Variants in CEP295 observed in about 807,000 individuals in gnomAD.
The protein encoded by CEP295 is centrosomal protein of 295 kDa.
CEP295 carries 190 observed loss-of-function variants against 291.6 expected under a neutral mutation model. The ratio of observed to expected loss-of-function variants is 0.65; its 90% CI spans 0.58 to 0.73. The LOEUF is 0.73. Ranked by LOEUF, CEP295 falls within the 30% of genes least tolerant of loss-of-function variation. The pLI, the probability that CEP295 is intolerant of heterozygous loss-of-function variation, is 0.00. For synonymous variants in CEP295, 993 were observed against 1,038.8 expected (o/e 0.96, Z 0.85); for missense variants, 2,863 against 2,949.4 (o/e 0.97, Z 0.68).
intron 5 of CEP295, among the ~76,000 whole-genome samples, chr11:93,674,045 C>T (rs1950572133): frequency 6.6e-6 from 1 of 151,832 alleles, no homozygotes; most frequent in Admixed American, 6.6e-5. Context: ...TCATTGCAAC[C>T]TCCGACCCCT....
chr11:93,685,569 G>A (rs1321501590), intron 9 of CEP295, among the ~76,000 whole-genome samples: 1 of 152,336 alleles, frequency 6.6e-6, no homozygotes. Flanking sequence ...TAAGGTTACT[G>A]TGTTTTGACT....
intron 18 of CEP295, among the ~76,000 whole-genome samples, chr11:93,716,650 AG>A (rs1198389719): frequency 3.9e-5 from 6 of 152,198 alleles, no homozygotes; most frequent in Non-Finnish European, 8.8e-5. Flanking sequence ...ACTTCACAAA[AG>A]GGGGTGGGCT....
At chr11:93,683,875 G>A (rs1407346598) in intron 8 of CEP295, 89 bp from the exon 9 acceptor site, 2 of 1,447,706 alleles carry the variant, frequency 1.4e-6, no homozygotes, top group African/African-American at 2.9e-5. Context: ...ATTTTAGATT[G>A]AGACATTACC....
At chr11:93,719,715 A>C (rs1953554700) in intron 18 of CEP295, 1 of 151,136 alleles carries the variant, frequency 6.6e-6, no homozygotes, top group Non-Finnish European at 1.5e-5. Flanking sequence ...ACTAGTCTTA[A>C]AAAAAAATAA....
chr11:93,728,649 G>T, intron 24 of CEP295, 32 bp from the exon 25 acceptor site: 1 of 1,502,206 alleles, frequency 6.7e-7, no homozygotes, highest in South Asian at 1.3e-5. Flanking sequence ...AGGCTATTTT[G>T]ACATGGTTTT....
Position 93,706,131 on chromosome 11 carries a change from A to T in CEP295, c.5597-614A>T, listed in dbSNP as rs548134443. ...TTTCCTCTGGGGATGATGTTGATGG[A>T]CAGGGATCTCAGGAGAGGGATAACT... is the stretch of plus-strand genomic sequence containing the variant. On this transcript the variant is annotated intron_variant, in intron 17 of 29. Transcript: ENST00000325212. 1.1e-3 allele frequency among the ~76,000 whole-genome samples: 172 copies of T among 152,286 alleles called. 2 individuals carry two copies. Among genetic ancestry groups the T allele is most frequent in the Admixed American group, 0.011 (171 of 15,288 alleles).
chr11:93,721,311 G>A lies in CEP295; in HGVS notation c.5750-1G>A. Reference sequence around the variant, plus strand: ...CTTGAACTCCAAAATCCATTTTTCAGTTAAGCTGAAGGAATCTGTTGTTGA... The same window carrying A: ...CTTGAACTCCAAAATCCATTTTTCAATTAAGCTGAAGGAATCTGTTGTTGA... On this transcript the variant is annotated splice_acceptor_variant, in intron 18 of 29. Transcript: ENST00000325212. LOFTEE classifies it high-confidence loss of function. 3.9e-6 allele frequency: 6 copies of A among 1,544,824 alleles called. No individual in the cohort carries two copies. The highest frequency in any genetic ancestry group is 5.3e-6 in the Non-Finnish European group (6 of 1,140,252).
At chr11:93,687,300 T>C (rs1024899467) in intron 9 of CEP295, among the ~76,000 whole-genome samples, 8 of 152,230 alleles carry the variant, frequency 5.3e-5, no homozygotes, top group African/African-American at 1.7e-4. Flanking sequence ...AATACTAATC[T>C]TACCAGCAAA....
intron 2 of CEP295, 145 bp from the exon 3 acceptor site, chr11:93,667,462 A>G (rs1157687821): frequency 3.4e-6 from 2 of 593,488 alleles, no homozygotes; most frequent in East Asian, 5.8e-5. Flanking sequence ...TTCTGCTTTA[A>G]ATAGTCTTTA....
intron 18 of CEP295, among the ~76,000 whole-genome samples, chr11:93,717,081 T>C (rs1402139127): frequency 6.6e-6 from 1 of 152,214 alleles, no homozygotes; most frequent in East Asian, 1.9e-4. Context: ...TTCCTGGGTC[T>C]GGGCTGTGCC....
chr11:93,664,690 T>C (rs1950131458), intron 1 of CEP295, among the ~76,000 whole-genome samples: 1 of 152,180 alleles, frequency 6.6e-6, no homozygotes, highest in Non-Finnish European at 1.5e-5. Context: ...GGACATAAAA[T>C]GGTGAATAAG....
At chr11:93,684,611 T>C (rs1344622518) in intron 9 of CEP295, among the ~76,000 whole-genome samples, 2 of 152,116 alleles carry the variant, frequency 1.3e-5, no homozygotes, top group Non-Finnish European at 2.9e-5. Context: ...AAGTTTTGGG[T>C]TGAATGAAAG....
At chr11:93,669,544 A>G (rs1950337823) in intron 4 of CEP295, 133 bp from the exon 5 acceptor site, 2 of 567,260 alleles carry the variant, frequency 3.5e-6, no homozygotes, top group Admixed American at 3.0e-5. Context: ...GACTCTTTAC[A>G]CATGTAAAGC....
chr11:93,702,462 A>T lies in CEP295; in HGVS notation c.5277A>T (p.Ile1759=), dbSNP rs1475402355. The T allele has an allele frequency of 1.3e-6, 2 of 1,520,144 alleles. No homozygotes were observed. Among genetic ancestry groups the T allele is most frequent in the East Asian group, 4.9e-5 (2 of 40,664 alleles). 94.2% of individuals were successfully genotyped at this position (1,520,144 alleles called of 1,614,324 possible). The part of the protein sequence containing the change: ...TLKDFFKDSQ[I]SKPTVENDLK... ...CACCCTCATCTCCACTTTTTCAGAT[A>T]AGTAAGCCCACAGTTGAAAATGATT... The change falls in exon 16 of 30, where the codon ATA becomes ATT. Residue 1759 remains isoleucine, a splice_region_variant and synonymous_variant. Transcript: ENST00000325212.
At position 93,728,796 on chromosome 11, in the gene CEP295, A is replaced by G; in HGVS notation, c.7277A>G (p.Glu2426Gly). 3 of 1,547,020 alleles carry G rather than the reference A, an allele frequency of 1.9e-6. No individual in the cohort carries two copies. The highest frequency in any genetic ancestry group is 1.7e-6 in the Non-Finnish European group (2 of 1,145,960). ...FANLTLEEKS[E>G]NEAKCFFQVS... is the part of the protein sequence containing the mutation. ...AATTTAACCCTAGAAGAGAAGAGCG[A>G]GAATGAAGCAAAATGCTTCTTTCAG... The change falls in exon 25 of 30, where the codon GAG becomes GGG. Residue 2426 changes from glutamate (E) to glycine (G), a missense_variant. Glu to Gly is a moderately conservative substitution (Grantham distance 98, BLOSUM62 -2). Coordinates refer to ENST00000325212, the MANE Select transcript of CEP295 (RefSeq NM_033395.2).
chr11:93,684,294 C>T (rs7939577), intron 9 of CEP295, among the ~76,000 whole-genome samples, 166 bp downstream of exon 9: 18,016 of 152,178 alleles, frequency 0.12, 1,181 homozygotes, highest in East Asian at 0.25. Flanking sequence ...CCATCATTGA[C>T]GATCCTTTTT....
intron 10 of CEP295, among the ~76,000 whole-genome samples, chr11:93,691,300 G>A (rs903054385): frequency 4.6e-5 from 7 of 152,116 alleles, no homozygotes. Flanking sequence ...TCTCTGCTCT[G>A]GTTTCACAAA....
At chr11:93,679,868 T>C (rs535488204) in intron 7 of CEP295, among the ~76,000 whole-genome samples, 3 of 152,394 alleles carry the variant, frequency 2.0e-5, no homozygotes, top group South Asian at 2.1e-4. Flanking sequence ...ATATGTGCTC[T>C]ATAAATTTGA....
At position 93,706,900 on chromosome 11, in the gene CEP295, G is replaced by A. The variant is rs1189479799; in HGVS notation, c.5749+3G>A. 8 of 1,526,756 alleles carry A rather than the reference G, an allele frequency of 5.2e-6. No homozygotes were observed. The South Asian group carries it at 9.9e-5, about 19-fold the overall frequency. 94.6% of individuals were successfully genotyped at this position (1,526,756 alleles called of 1,614,324 possible). ...TGGTGATGACTATGATGAAGCAGGT[G>A]AGAAATAAATGGAAAGTGGAATTGT... On this transcript the variant is annotated splice_donor_region_variant and intron_variant, in intron 18 of 29. Transcript: ENST00000325212.
Sources: allele counts gnomAD v4.1 joint callset (sites outside exome capture counted in the v4.1 genomes callset), GRCh38; gene constraint gnomAD v4.1.1; transcripts MANE v1.5; gene names NCBI Gene and HGNC (gene_info 2026-07-23, HGNC 2026-07-21).